ABCB1: variants seen among roughly 807,000 people sequenced by gnomAD.
ABCB1 encodes the protein ATP-dependent translocase ABCB1.
ABCB1 carries 69 observed loss-of-function variants against 142.0 expected under a neutral mutation model. The observed-to-expected ratio is 0.49, with a 90% CI of 0.40 to 0.59. The LOEUF is 0.59. ABCB1 is among the 20% of genes least tolerant of loss of function. The pLI is 0.00. For missense variants in ABCB1, 1,326 were observed against 1,554.7 expected, an observed-to-expected ratio of 0.85 and a Z score of 2.47; for synonymous variants, 532 against 539.2, an observed-to-expected ratio of 0.99 and a Z score of 0.18.
chr7:87,568,248 T>TAATAATAATAATAAC (rs1554435554), intron 5 of ABCB1, among the ~76,000 whole-genome samples: 36 of 130,750 alleles, frequency 2.8e-4, no homozygotes, highest in Admixed American at 9.6e-4. Flanking sequence ...ACGACAATAA[T>TAATAATAATAATAAC]AATAATAATA....
intron 4 of ABCB1, among the ~76,000 whole-genome samples, chr7:87,582,438 A>G (rs551735887): frequency 2.6e-5 from 4 of 152,156 alleles, no homozygotes; most frequent in Non-Finnish European, 5.9e-5. Context: ...ACCCTTGTCC[A>G]TCCCTCCCAC....
intron 4 of ABCB1, among the ~76,000 whole-genome samples, chr7:87,575,707 T>C (rs977338381): frequency 1.3e-5 from 2 of 152,214 alleles, no homozygotes; most frequent in Admixed American, 1.3e-4. Flanking sequence ...TAGTTGGGCT[T>C]ACTGCAGGTG....
chr7:87,592,464 G>A (rs1417318732), intron 3 of ABCB1, among the ~76,000 whole-genome samples: 2 of 152,212 alleles, frequency 1.3e-5, no homozygotes, highest in Non-Finnish European at 2.9e-5. Context: ...CACCAAAGTG[G>A]AAAGGGAGGA....
At chr7:87,552,840 G>A (rs191460945) in intron 9 of ABCB1, among the ~76,000 whole-genome samples, 133 of 151,902 alleles carry the variant, frequency 8.8e-4, no homozygotes, top group Non-Finnish European at 5.3e-4. Context: ...CTTGGCCTAC[G>A]AAAAAGGAAC....
intron 7 of ABCB1, among the ~76,000 whole-genome samples, chr7:87,562,825 T>C (rs28381854): frequency 2.0e-5 from 3 of 150,158 alleles, no homozygotes; most frequent in African/African-American, 7.4e-5. Context: ...AAAGGCCAGG[T>C]GTGATGACTC....
intron 1 of ABCB1, 36 bp from the exon 2 acceptor site, chr7:87,600,226 G>A (rs765769995): frequency 3.8e-6 from 6 of 1,581,722 alleles, no homozygotes; most frequent in South Asian, 1.1e-5. Flanking sequence ...CCAAATGCAT[G>A]AGCCTCAGGC....
chr7:87,673,545 G>A (rs1826037780), intron 1 of ABCB1, among the ~76,000 whole-genome samples: 1 of 152,176 alleles, frequency 6.6e-6, no homozygotes, highest in Admixed American at 6.5e-5. Flanking sequence ...TTCTCGAAGT[G>A]TGCATGTCTA....
chr7:87,628,239 A>G (rs1325615619), intron 1 of ABCB1, among the ~76,000 whole-genome samples: 1 of 152,150 alleles, frequency 6.6e-6, no homozygotes. Context: ...AGCGTCCTTG[A>G]CAGCAGCCCA....
Position 87,503,968 on chromosome 7 carries a change from G to A in ABCB1, c.*275C>T. 1 of 483,902 alleles carries A rather than the reference G, an allele frequency of 2.1e-6. No individual in the cohort carries two copies. The highest frequency in any genetic ancestry group is 2.3e-5 in the South Asian group (1 of 43,454). 30.0% of individuals were successfully genotyped at this position (483,902 alleles called of 1,614,324 possible). A position where few individuals can be genotyped will look rare whatever the true frequency, so the allele number is the denominator to read the frequency against. ...AGGCAGTCAGTTACAGTCCAAATGGGAAAATATAAACAAAATTACACATTT... is the reference window on the plus strand; with the variant it reads ...AGGCAGTCAGTTACAGTCCAAATGGAAAAATATAAACAAAATTACACATTT... On this transcript the variant is annotated 3_prime_UTR_variant, in exon 28 of 28. Coordinates refer to ENST00000622132, the MANE Select transcript of ABCB1 (RefSeq NM_001348946.2).
chr7:87,656,071 G>A (rs1296878593), intron 1 of ABCB1, among the ~76,000 whole-genome samples: 1 of 151,910 alleles, frequency 6.6e-6, no homozygotes, highest in Non-Finnish European at 1.5e-5. Flanking sequence ...AGAACTATGA[G>A]AAATAAATTT....
chr7:87,516,940 T>C (rs540933832), intron 23 of ABCB1, among the ~76,000 whole-genome samples: 1 of 152,102 alleles, frequency 6.6e-6, no homozygotes, highest in South Asian at 2.1e-4. Context: ...TCTCCCTATA[T>C]TGCCCAGGCT....
At chr7:87,529,084 A>AT (rs989194106) in intron 21 of ABCB1, among the ~76,000 whole-genome samples, 14 of 152,308 alleles carry the variant, frequency 9.2e-5, no homozygotes, top group Admixed American at 6.5e-4. Context: ...GCATTATTAG[A>AT]TTTTTATTTA....
rs1052822868 is a variant in ABCB1 at position 87,553,830 on chromosome 7, A to G, written c.930T>C (p.Tyr310=). 1.4e-5 allele frequency: 23 copies of G among 1,614,020 alleles called. 1 individual carries two copies. Among genetic ancestry groups the G allele is most frequent in the Non-Finnish European group, 1.8e-5 (21 of 1,179,962 alleles). Residue 310 remains tyrosine (Y), a synonymous_variant, in exon 9 of 28, where the codon TAT becomes TAC. Transcript: ENST00000622132. ...GAAFLLIYAS[Y]ALAFWYGTTL... Reference sequence around the variant, plus strand: ...TGGTCCCATACCAGAAGGCCAGAGCATAAGATGCATAGATCAGCAGGAAAG... The same window carrying G: ...TGGTCCCATACCAGAAGGCCAGAGCGTAAGATGCATAGATCAGCAGGAAAG...
At position 87,699,910 on chromosome 7, in the gene ABCB1, A is replaced by G. The variant is rs1013795329; in HGVS notation, c.-331+13251T>C. On this transcript the variant is annotated intron_variant, in intron 1 of 28. Coordinates refer to the ABCB1 transcript ENST00000265724. ...CATTATTAGTGAATATAGGATGCTA[A>G]TTGATTTTATTTATTTATAAAGTAA... Among the ~76,000 whole-genome samples the G allele has an allele frequency of 4.6e-5, 7 of 152,172 alleles. 1 individual carries two copies. The South Asian group carries it at 8.3e-4, about 18-fold the overall frequency.
chr7:87,520,834 A>G lies in ABCB1; in HGVS notation c.2728T>C (p.Leu910=), dbSNP rs763105809. ...TGTTCAAACTTCTGCTCCTGAGTCA[A>G]AGAAACAACGGTTCGGAAGTTTTCT... ...AIENFRTVVS[L]TQEQKFEHMY... Residue 910 remains leucine, a synonymous_variant, in exon 22 of 28, where the codon TTG becomes CTG. Transcript: ENST00000622132. 2 of 1,613,980 alleles carry G rather than the reference A, an allele frequency of 1.2e-6. No homozygotes were observed. Among genetic ancestry groups the G allele is most frequent in the Admixed American group, 3.3e-5 (2 of 60,012 alleles).
intron 21 of ABCB1, among the ~76,000 whole-genome samples, chr7:87,528,054 A>G (rs758346346): frequency 6.6e-5 from 10 of 152,184 alleles, no homozygotes; most frequent in Non-Finnish European, 2.9e-5. Context: ...ACTCCCCTTT[A>G]TAAAATCATC....
At chr7:87,596,480 T>G (rs1344339398) in intron 2 of ABCB1, among the ~76,000 whole-genome samples, 3 of 152,090 alleles carry the variant, frequency 2.0e-5, no homozygotes, top group African/African-American at 7.2e-5. Flanking sequence ...TCCTCAGGCA[T>G]AAGGTCAACT....
At chr7:87,595,189 AAT>A (rs763985537) in intron 3 of ABCB1, among the ~76,000 whole-genome samples, 84 of 152,276 alleles carry the variant, frequency 5.5e-4, no homozygotes, top group Middle Eastern at 3.4e-3. Context: ...CAGAAAATGA[AAT>A]AAAGAGTTAC....
chr7:87,705,072 C>T (rs1829467324), intron 1 of ABCB1, among the ~76,000 whole-genome samples: 1 of 152,152 alleles, frequency 6.6e-6, no homozygotes, highest in Admixed American at 6.5e-5. Flanking sequence ...GTCCTGATAC[C>T]ACTTAGATTC....
Sources: allele counts gnomAD v4.1 joint callset (sites outside exome capture counted in the v4.1 genomes callset), GRCh38; gene constraint gnomAD v4.1.1; transcripts MANE v1.5; gene names NCBI Gene and HGNC (gene_info 2026-07-23, HGNC 2026-07-21).